Variants in ZBTB7C observed in about 807,000 individuals in gnomAD.
ZBTB7C encodes the protein zinc finger and BTB domain-containing protein 7C.
Under a neutral mutation model 25.7 loss-of-function variants are expected in ZBTB7C, and 8 were observed. The ratio of observed to expected loss-of-function variants is 0.31; its 90% CI spans 0.18 to 0.56. The LOEUF is 0.56. Among genes scored for constraint, ZBTB7C ranks in the 20% least tolerant of loss-of-function variants. The probability of loss-of-function intolerance (pLI) is 0.91; values close to 1 mark genes in which losing one functional copy is unlikely to be tolerated. For missense variants in ZBTB7C, 824 were observed against 855.2 expected (o/e 0.96, Z 0.46); for synonymous variants, 394 against 369.0 (o/e 1.07, Z -0.78).
chr18:48,411,687 C>T (rs924370464), upstream of ZBTB7C, among the ~76,000 whole-genome samples: 1 of 152,122 alleles, frequency 6.6e-6, no homozygotes, highest in African/African-American at 2.4e-5. Flanking sequence ...GGGGTGAGGG[C>T]AGCTACAGCC....
At chr18:48,299,475 G>A (rs996012468) in intron 2 of ZBTB7C, among the ~76,000 whole-genome samples, 1 of 152,208 alleles carries the variant, frequency 6.6e-6, no homozygotes, top group Non-Finnish European at 1.5e-5. Flanking sequence ...AAAATGAGGG[G>A]AAGTAACAAA....
Position 48,040,079 on chromosome 18 carries a change from C to A in ZBTB7C, c.1029G>T (p.Leu343=), listed in dbSNP as rs756445102. The change falls in exon 4 of 5, where the codon CTG becomes CTT. Residue 343 remains leucine, a synonymous_variant. Coordinates refer to ENST00000590800, the MANE Select transcript of ZBTB7C (RefSeq NM_001318841.2). Reference sequence around the variant, plus strand: ...GGGGCCAGGGTGGGAAGAGGCCTCCCAGGTGGGTGGCACTCAGGAAGTTGA... The same window carrying A: ...GGGGCCAGGGTGGGAAGAGGCCTCCAAGGTGGGTGGCACTCAGGAAGTTGA... The part of the protein sequence containing the change: ...AYLNFLSATH[L]GGLFPPWPLV... The A allele has an allele frequency of 1.9e-6, 3 of 1,612,200 alleles. No homozygotes were observed. The highest frequency in any genetic ancestry group is 2.5e-6 in the Non-Finnish European group (3 of 1,179,002).
chr18:48,289,985 A>C (rs1420372719), intron 2 of ZBTB7C, among the ~76,000 whole-genome samples: 2 of 152,228 alleles, frequency 1.3e-5, no homozygotes, highest in Non-Finnish European at 2.9e-5. Context: ...TAGGTGCTTT[A>C]AGTGCTTTGG....
At chr18:48,327,912 T>A (rs1274430356) in intron 2 of ZBTB7C, among the ~76,000 whole-genome samples, 2 of 151,886 alleles carry the variant, frequency 1.3e-5, no homozygotes, top group Non-Finnish European at 1.5e-5. Context: ...ACAGTTTTTT[T>A]AAGATATTAA....
intron 3 of ZBTB7C, among the ~76,000 whole-genome samples, chr18:48,045,321 C>T (rs117418362): frequency 0.012 from 1,821 of 152,334 alleles, 13 homozygotes; most frequent in Admixed American, 0.018. Flanking sequence ...CAGACAGCCT[C>T]CCCTACTCTG....
chr18:48,029,080 C>A lies in ZBTB7C; in HGVS notation c.*180G>T, dbSNP rs967472801. 1.1e-5 allele frequency: 10 copies of A among 919,380 alleles called. No individual in the cohort carries two copies. The highest frequency in any genetic ancestry group is 1.5e-5 in the Non-Finnish European group (10 of 656,672). The allele number at this position is 919,380 out of a possible 1,614,324, so 57.0% of individuals were successfully genotyped here. The stretch of plus-strand genomic sequence containing the variant: ...GGAAAAGATGCCCGTCTCAGACCAG[C>A]AAAAGGAGGCAGCTGCTTTAGGAGC... On this transcript the variant is annotated 3_prime_UTR_variant, in exon 5 of 5. Transcript: ENST00000590800.
At position 48,036,071 on chromosome 18, in the gene ZBTB7C, G is replaced by A. The variant is rs139497402; in HGVS notation, c.1208+3829C>T. Among the ~76,000 whole-genome samples, 29 of 152,360 alleles carry A rather than the reference G, an allele frequency of 1.9e-4. No homozygotes were observed. The East Asian group carries it at 5.4e-3, about 28-fold the overall frequency. On this transcript the variant is annotated intron_variant, in intron 4 of 4. Transcript: ENST00000590800. ...CCAGAGCTAGGAAGGGACAGCATGG[G>A]GCCAAAGAAATAGTTTGGTTGATGC...
chr18:48,095,846 C>A (rs2038608216), intron 3 of ZBTB7C, among the ~76,000 whole-genome samples: 1 of 152,206 alleles, frequency 6.6e-6, no homozygotes, highest in Admixed American at 6.5e-5. Context: ...ACCCTTGATT[C>A]CCCTGAGTAG....
intron 2 of ZBTB7C, among the ~76,000 whole-genome samples, chr18:48,205,491 C>T (rs1039905894): frequency 6.6e-6 from 1 of 151,772 alleles, no homozygotes. Context: ...CTATTTTCTG[C>T]AGGAAGGAAA....
chr18:48,106,438 A>G (rs911587080), intron 3 of ZBTB7C, among the ~76,000 whole-genome samples: 1 of 147,132 alleles, frequency 6.8e-6, no homozygotes, highest in Non-Finnish European at 1.5e-5. Flanking sequence ...CAAAGGACCC[A>G]AACCCTATTA....
chr18:48,040,355 G>A lies in ZBTB7C; in HGVS notation c.753C>T (p.Phe251=), dbSNP rs766649382. 59 of 1,609,794 alleles carry A rather than the reference G, an allele frequency of 3.7e-5. No individual in the cohort carries two copies. Among genetic ancestry groups the A allele is most frequent in the Admixed American group, 1.7e-4 (10 of 59,762 alleles). The stretch of plus-strand genomic sequence containing the variant: ...AGAGGTGTGGAAAGAAGTCCGGGGC[G>A]AATGGAGACAAGGAGGGTCTCCTGT... ...IPDRRPSLSP[F]APDFFPHLWP... The change falls in exon 4 of 5, where the codon TTC becomes TTT. Residue 251 remains phenylalanine (F), a synonymous_variant. Transcript: ENST00000590800.
At chr18:48,402,987 C>T (rs960447797) in intron 1 of ZBTB7C, among the ~76,000 whole-genome samples, 13 of 152,154 alleles carry the variant, frequency 8.5e-5, no homozygotes, top group South Asian at 2.1e-4. Flanking sequence ...AGGGTGTGAA[C>T]CACCAATGAA....
chr18:48,240,880 T>C (rs2043504703), intron 2 of ZBTB7C, among the ~76,000 whole-genome samples: 1 of 152,202 alleles, frequency 6.6e-6, no homozygotes, highest in African/African-American at 2.4e-5. Context: ...ATGGTCTAAA[T>C]GCTCCACTTA....
chr18:48,114,891 T>C (rs933302922), intron 3 of ZBTB7C, among the ~76,000 whole-genome samples: 2 of 152,234 alleles, frequency 1.3e-5, no homozygotes, highest in African/African-American at 4.8e-5. Flanking sequence ...TAACAATTTT[T>C]TTCCGTTTTT....
intron 2 of ZBTB7C, among the ~76,000 whole-genome samples, chr18:48,236,180 A>G (rs1234962639): frequency 1.3e-5 from 2 of 152,208 alleles, no homozygotes; most frequent in Non-Finnish European, 1.5e-5. Flanking sequence ...TTCACTAAAT[A>G]TCTCTACAAC....
chr18:48,224,542 A>G (rs573677784), intron 2 of ZBTB7C, among the ~76,000 whole-genome samples: 1 of 152,330 alleles, frequency 6.6e-6, no homozygotes, highest in Middle Eastern at 3.4e-3. Context: ...CTCAGAGCCC[A>G]GGGCATCCCT....
intron 2 of ZBTB7C, among the ~76,000 whole-genome samples, chr18:48,199,096 T>C (rs1242871036): frequency 6.6e-6 from 1 of 152,252 alleles, no homozygotes; most frequent in Non-Finnish European, 1.5e-5. Flanking sequence ...GAAAGTCTAA[T>C]GCTGTTCTGT....
At chr18:48,212,615 C>T (rs1048784465) in intron 2 of ZBTB7C, among the ~76,000 whole-genome samples, 1 of 152,096 alleles carries the variant, frequency 6.6e-6, no homozygotes, top group African/African-American at 2.4e-5. Flanking sequence ...ACTCTCCGTA[C>T]TTTCTGCTCA....
intron 2 of ZBTB7C, among the ~76,000 whole-genome samples, chr18:48,248,621 T>G (rs1330608155): frequency 6.6e-6 from 1 of 152,188 alleles, no homozygotes; most frequent in Non-Finnish European, 1.5e-5. Flanking sequence ...TTATTGTCTC[T>G]CTTCTCGCTA....
Sources: gnomAD v4.1 joint callset for allele counts (sites outside exome capture counted in the v4.1 genomes callset) on GRCh38, gnomAD v4.1.1 for gene constraint, MANE v1.5 for transcripts, NCBI Gene and HGNC (gene_info 2026-07-23, HGNC 2026-07-21) for gene names.